Variants in CDKL2 observed in about 807,000 individuals in gnomAD.
The protein encoded by CDKL2 is cyclin-dependent kinase-like 2.
A neutral mutation model predicts 63.9 loss-of-function variants in CDKL2; 64 were observed. That is an observed-to-expected ratio of 1.00 (90% CI 0.82 to 1.23). CDKL2 has a LOEUF of 1.23. Ranked by LOEUF, CDKL2 falls within the 50% of genes most tolerant of loss-of-function variation. The probability of loss-of-function intolerance (pLI) is 0.00; values close to 1 mark genes in which losing one functional copy is unlikely to be tolerated. For synonymous variants in CDKL2, 211 were observed against 229.2 expected, an observed-to-expected ratio of 0.92 and a Z score of 0.72; for missense variants, 656 against 668.0, an observed-to-expected ratio of 0.98 and a Z score of 0.20.
At chr4:75,593,247 G>A (rs1728785151) in intron 10 of CDKL2, among the ~76,000 whole-genome samples, 1 of 151,656 alleles carries the variant, frequency 6.6e-6, no homozygotes, top group Non-Finnish European at 1.5e-5. Flanking sequence ...CTATATGCAA[G>A]TACAAAAAAT....
intron 2 of CDKL2, among the ~76,000 whole-genome samples, chr4:75,621,890 G>A (rs947750205): frequency 6.6e-6 from 1 of 152,092 alleles, no homozygotes; most frequent in African/African-American, 2.4e-5. Context: ...GGTAATATTA[G>A]GTATATCCTA....
intron 1 of CDKL2, among the ~76,000 whole-genome samples, chr4:75,629,147 T>A (rs536260623): frequency 6.6e-6 from 1 of 152,248 alleles, no homozygotes; most frequent in East Asian, 1.9e-4. Flanking sequence ...ATTAAGAGAG[T>A]ATGTTTTATT....
chr4:75,590,625 G>A (rs1728677883), intron 12 of CDKL2, among the ~76,000 whole-genome samples: 1 of 152,082 alleles, frequency 6.6e-6, no homozygotes, highest in Non-Finnish European at 1.5e-5. Flanking sequence ...TGAGGCACAA[G>A]AATCACTTGA....
rs770554188 is a variant in CDKL2, at chr4:75,597,070, T to A, written c.1187A>T (p.Asp396Val). ...GTGGTCCACGCTGACATTGCTGCAG[T>A]CTTTGAGGCTTGTTGAAGGCACTAT... ...NKIVPSTSLKDCSNVSVDHTR... is the reference protein window; with the variant it reads ...NKIVPSTSLKVCSNVSVDHTR... Residue 396 changes from aspartate to valine, a missense_variant, in exon 9 of 14, where the codon GAC (aspartate) becomes GTC (valine). By Grantham distance (152) the Asp-to-Val change is radical. Coordinates refer to ENST00000307465, the MANE Select transcript of CDKL2 (RefSeq NM_001330724.2). The A allele has an allele frequency of 2.5e-6, 4 of 1,614,058 alleles. No homozygotes were observed. The East Asian group carries it at 8.9e-5, about 36-fold the overall frequency.
At chr4:75,588,065 T>C (rs928994510) in intron 12 of CDKL2, among the ~76,000 whole-genome samples, 1 of 151,182 alleles carries the variant, frequency 6.6e-6, no homozygotes, top group Non-Finnish European at 1.5e-5. Flanking sequence ...AAATACAAAA[T>C]TAGCCGGGCG....
chr4:75,604,168 T>C lies in CDKL2; in HGVS notation c.656-212A>G, dbSNP rs115115261. On this transcript the variant is annotated intron_variant, in intron 5 of 13. Coordinates refer to ENST00000307465, the MANE Select transcript of CDKL2 (RefSeq NM_001330724.2). ...GGAAAAGGACAGGTAAAAAATATTT[T>C]ATAACTTTCCAGATATAAGTACCAG... Among the ~76,000 whole-genome samples the C allele has an allele frequency of 4.4e-3, 666 of 152,334 alleles. 5 individuals are homozygous for C. Among genetic ancestry groups the C allele is most frequent in the Non-Finnish European group, 7.2e-3 (490 of 68,036 alleles).
chr4:75,585,303 A>C (rs1231528442), intron 12 of CDKL2, among the ~76,000 whole-genome samples: 1 of 152,190 alleles, frequency 6.6e-6, no homozygotes, highest in Non-Finnish European at 1.5e-5. Flanking sequence ...GCAGCCAGGC[A>C]TGGTGGCTCA....
intron 12 of CDKL2, among the ~76,000 whole-genome samples, chr4:75,584,454 A>C (rs1001389698): frequency 3.3e-5 from 5 of 152,210 alleles, no homozygotes; most frequent in African/African-American, 1.2e-4. Context: ...CCTCCAGAAA[A>C]TAATGCAGCC....
rs140943093 is a variant in CDKL2, at chr4:75,627,263, TTTTG to T, written c.-29-1250_-29-1247del. On this transcript the variant is annotated intron_variant, in intron 1 of 13. Coordinates refer to ENST00000307465, the MANE Select transcript of CDKL2 (RefSeq NM_001330724.2). ...ATGTATAACTGAATTTGGTGGGGGA[TTTTG>T]TTTGTTTGTTTGTTTGTTTGTTTGG... 4.5e-3 allele frequency among the ~76,000 whole-genome samples: 675 copies of T among 150,336 alleles called. 3 individuals are homozygous for T. The highest frequency in any genetic ancestry group is 0.02 in the East Asian group (101 of 5,086).
At chr4:75,616,893 A>G (rs545985964) in intron 2 of CDKL2, among the ~76,000 whole-genome samples, 5 of 152,240 alleles carry the variant, frequency 3.3e-5, no homozygotes, top group Admixed American at 2.6e-4. Context: ...GTTGTCACTT[A>G]TAAGTGGGAG....
intron 10 of CDKL2, among the ~76,000 whole-genome samples, chr4:75,592,965 C>G (rs1402393256): frequency 1.3e-5 from 2 of 152,108 alleles, no homozygotes; most frequent in African/African-American, 4.8e-5. Context: ...ATTTTTCATT[C>G]GAGAATCACA....
chr4:75,610,569 A>G (rs903731555), intron 3 of CDKL2, among the ~76,000 whole-genome samples: 3 of 152,136 alleles, frequency 2.0e-5, no homozygotes, highest in African/African-American at 7.2e-5. Context: ...TCAGTAAAAA[A>G]AGTCGTTTAG....
Position 75,580,703 on chromosome 4 carries a change from T to C in CDKL2, c.*23+1107A>G, listed in dbSNP as rs189960346. ...CTGATTTTTGTTTTGGCTTTTTTTTTTTTTTCTTTTTTTTTGAGACGGAGT... is the reference window on the plus strand; with the variant it reads ...CTGATTTTTGTTTTGGCTTTTTTTTCTTTTTCTTTTTTTTTGAGACGGAGT... On this transcript the variant is annotated intron_variant, in intron 13 of 13. Transcript: ENST00000307465. Among the ~76,000 whole-genome samples the C allele has an allele frequency of 5.0e-3, 746 of 148,888 alleles. 33 individuals carry two copies. Among genetic ancestry groups the C allele is most frequent in the Admixed American group, 0.046 (697 of 15,016 alleles).
At chr4:75,591,076 A>G (rs1728693614) in intron 12 of CDKL2, among the ~76,000 whole-genome samples, 1 of 152,222 alleles carries the variant, frequency 6.6e-6, no homozygotes, top group Admixed American at 6.5e-5. Context: ...GGAATAGCAA[A>G]TCTTTAACAT....
At chr4:75,585,764 T>A (rs1029933785) in intron 12 of CDKL2, among the ~76,000 whole-genome samples, 11 of 152,096 alleles carry the variant, frequency 7.2e-5, no homozygotes, top group African/African-American at 1.4e-4. Context: ...TGAAATAAAT[T>A]AATTAATTAA....
At chr4:75,620,534 A>C (rs1730110599) in intron 2 of CDKL2, among the ~76,000 whole-genome samples, 1 of 152,230 alleles carries the variant, frequency 6.6e-6, no homozygotes, top group Admixed American at 6.5e-5. Flanking sequence ...CTCCAACTGA[A>C]TACAAGTAGA....
chr4:75,617,426 A>G (rs994597821), intron 2 of CDKL2, among the ~76,000 whole-genome samples: 3 of 152,172 alleles, frequency 2.0e-5, no homozygotes, highest in Non-Finnish European at 4.4e-5. Flanking sequence ...TGAAGCAACT[A>G]ACTCACACAG....
At chr4:75,627,787 C>T (rs1409893733) in intron 1 of CDKL2, among the ~76,000 whole-genome samples, 2 of 125,358 alleles carry the variant, frequency 1.6e-5, no homozygotes, top group African/African-American at 6.1e-5. Flanking sequence ...GATCTCGGCT[C>T]ACTGCAACCT....
At position 75,607,237 on chromosome 4, in the gene CDKL2, G is replaced by A. The variant is rs764567679; in HGVS notation, c.488C>T (p.Ala163Val). The A allele has an allele frequency of 1.1e-5, 17 of 1,613,988 alleles. No individual in the cohort carries two copies. The South Asian group carries it at 1.4e-4, about 14-fold the overall frequency. ...TTCTGGAGCTCTGTACCATCGGGTT[G>A]CCACATAATCAGTATAAACCTCCCC... is the stretch of plus-strand genomic sequence containing the variant. The part of the protein sequence containing the change: ...APGEVYTDYV[A>V]TRWYRAPELL... Residue 163 changes from alanine to valine, a missense_variant, in exon 4 of 14, where the codon GCA becomes GTA. By Grantham distance (64) the Ala-to-Val change is moderately conservative. Transcript: ENST00000307465.
Sources: gnomAD v4.1 joint callset for allele counts (sites outside exome capture counted in the v4.1 genomes callset) on GRCh38, gnomAD v4.1.1 for gene constraint, MANE v1.5 for transcripts, NCBI Gene and HGNC (gene_info 2026-07-23, HGNC 2026-07-21) for gene names.